The following HHAT variants were observed in gnomAD, a reference collection of about 807,000 sequenced individuals.
The protein encoded by HHAT is protein-cysteine N-palmitoyltransferase HHAT.
Under a neutral mutation model 70.8 loss-of-function variants are expected in HHAT, and 47 were observed. That is an observed-to-expected ratio of 0.66 (90% CI 0.53 to 0.85). The LOEUF (loss-of-function observed/expected upper bound fraction) is 0.85. HHAT is among the 40% of genes least tolerant of loss of function. The pLI is 0.00. For synonymous variants in HHAT, 228 were observed against 247.6 expected (o/e 0.92, Z 0.74); for missense variants, 609 against 604.8 (o/e 1.01, Z -0.07).
intron 3 of HHAT, chr1:210,374,198 A>C (rs530204985): frequency 2.6e-5 from 4 of 152,282 alleles, no homozygotes; most frequent in East Asian, 1.9e-4. Context: ...CTTATAACTG[A>C]TTTGTTTCTC....
At chr1:210,340,894 G>A (rs967057175) in intron 1 of HHAT, among the ~76,000 whole-genome samples, 13 of 152,266 alleles carry the variant, frequency 8.5e-5, no homozygotes, top group Admixed American at 6.5e-4. Flanking sequence ...AGACTTACTG[G>A]GTATGAATCT....
intron 11 of HHAT, among the ~76,000 whole-genome samples, chr1:210,650,865 C>G (rs988491999): frequency 6.6e-6 from 1 of 152,170 alleles, no homozygotes; most frequent in Admixed American, 6.5e-5. Context: ...ATGGCATACT[C>G]CTTCCTTAGT....
intron 1 of HHAT, among the ~76,000 whole-genome samples, chr1:210,346,964 C>A (rs2086576558): frequency 6.6e-6 from 1 of 152,182 alleles, no homozygotes; most frequent in South Asian, 2.1e-4. Context: ...TCTAGCTATA[C>A]ATTGTGAGAT....
chr1:210,405,460 C>G (rs1401352465), intron 6 of HHAT, among the ~76,000 whole-genome samples: 1 of 152,142 alleles, frequency 6.6e-6, no homozygotes, highest in Non-Finnish European at 1.5e-5. Context: ...CTATCCCTCA[C>G]CAACAAAACA....
At chr1:210,441,383 T>C (rs1046212195) in intron 7 of HHAT, among the ~76,000 whole-genome samples, 36 of 152,128 alleles carry the variant, frequency 2.4e-4, no homozygotes, top group African/African-American at 6.5e-4. Flanking sequence ...TTTATAGAGG[T>C]GCTGGTCTGA....
At chr1:210,610,028 C>G (rs1666270393) in intron 10 of HHAT, among the ~76,000 whole-genome samples, 1 of 152,308 alleles carries the variant, frequency 6.6e-6, no homozygotes, top group South Asian at 2.1e-4. Flanking sequence ...GGTATATACC[C>G]AGTAATGGGA....
intron 6 of HHAT, among the ~76,000 whole-genome samples, chr1:210,415,493 C>G (rs534493738): frequency 1.3e-5 from 2 of 152,206 alleles, no homozygotes; most frequent in Non-Finnish European, 2.9e-5. Flanking sequence ...CCCAATCTTG[C>G]TTCTTGGAGA....
At chr1:210,610,269 TC>T (rs1401708891) in intron 10 of HHAT, among the ~76,000 whole-genome samples, 3 of 152,194 alleles carry the variant, frequency 2.0e-5, no homozygotes, top group Non-Finnish European at 4.4e-5. Context: ...TCTCTAATGA[TC>T]AGTGATGTTG....
intron 9 of HHAT, among the ~76,000 whole-genome samples, chr1:210,535,878 A>G (rs2095367143): frequency 6.6e-6 from 1 of 152,216 alleles, no homozygotes; most frequent in African/African-American, 2.4e-5. Context: ...CTGTGTAACC[A>G]ATAGCATGGC....
At chr1:210,513,221 G>A (rs923024540) in intron 9 of HHAT, 33 bp downstream of exon 9, 1 of 1,117,192 alleles carries the variant, frequency 9.0e-7, no homozygotes, top group Admixed American at 1.9e-5. Context: ...AGATAACATT[G>A]AATAACATGT....
chr1:210,485,329 A>G (rs571147213), intron 8 of HHAT, among the ~76,000 whole-genome samples: 2 of 152,190 alleles, frequency 1.3e-5, no homozygotes, highest in African/African-American at 4.8e-5. Context: ...CTCTCTGTAG[A>G]CTCAGGGTCA....
chr1:210,554,413 C>T (rs1306673609), intron 9 of HHAT, among the ~76,000 whole-genome samples: 1 of 152,074 alleles, frequency 6.6e-6, no homozygotes, highest in Admixed American at 6.5e-5. Context: ...GGGAGTTTTG[C>T]CCTTTGGTGC....
intron 11 of HHAT, among the ~76,000 whole-genome samples, chr1:210,625,737 C>G (rs1024063727): frequency 6.6e-6 from 1 of 152,220 alleles, no homozygotes; most frequent in Non-Finnish European, 1.5e-5. Context: ...TCTGACAGTT[C>G]AATACAAATC....
intron 8 of HHAT, among the ~76,000 whole-genome samples, chr1:210,489,437 A>C (rs1036043161): frequency 1.3e-5 from 2 of 152,190 alleles, no homozygotes. Flanking sequence ...ATAAATGCTG[A>C]ATAAACACCA....
intron 4 of HHAT, among the ~76,000 whole-genome samples, chr1:210,394,960 G>C (rs1181133611): frequency 6.6e-6 from 1 of 151,810 alleles, no homozygotes; most frequent in East Asian, 1.9e-4. Flanking sequence ...GGGATGGGTG[G>C]GTTGTATTTT....
intron 9 of HHAT, among the ~76,000 whole-genome samples, chr1:210,580,066 C>A (rs895247247): frequency 3.3e-5 from 5 of 152,112 alleles, no homozygotes; most frequent in Admixed American, 1.3e-4. Flanking sequence ...GTTTTATAAA[C>A]CCTACAATGT....
chr1:210,600,453 G>C (rs1416111620), intron 10 of HHAT, among the ~76,000 whole-genome samples: 1 of 152,194 alleles, frequency 6.6e-6, no homozygotes, highest in Non-Finnish European at 1.5e-5. Context: ...AATAGGTCTA[G>C]TGATGGCAAA....
intron 3 of HHAT, among the ~76,000 whole-genome samples, chr1:210,363,198 A>T (rs566790883): frequency 6.6e-6 from 1 of 152,252 alleles, no homozygotes; most frequent in East Asian, 1.9e-4. Flanking sequence ...TTCCTACTTG[A>T]CCTAGCCAGA....
intron 3 of HHAT, chr1:210,374,141 T>C (rs546291241): frequency 3.0e-4 from 46 of 152,332 alleles, no homozygotes; most frequent in Admixed American, 5.2e-4. Context: ...AGTCTTTTTT[T>C]ATAAAACATG....
Sources: gnomAD v4.1 joint callset for allele counts (sites outside exome capture counted in the v4.1 genomes callset) on GRCh38, gnomAD v4.1.1 for gene constraint, MANE v1.5 for transcripts, NCBI Gene and HGNC (gene_info 2026-07-23, HGNC 2026-07-21) for gene names.